The following ARHGAP6 variants were observed in gnomAD, a reference collection of about 807,000 sequenced individuals.
ARHGAP6 encodes Rho GTPase activating protein 6, also known as rho GTPase-activating protein 6.
Under a neutral mutation model 55.7 loss-of-function variants are expected in ARHGAP6, and 16 were observed. That is an observed-to-expected ratio of 0.29 (90% confidence interval 0.19 to 0.44). The LOEUF (loss-of-function observed/expected upper bound fraction) is 0.44. Among genes scored for constraint, ARHGAP6 ranks in the 20% least tolerant of loss-of-function variants. The probability of loss-of-function intolerance (pLI) is 1.00; values close to 1 mark genes in which losing one functional copy is unlikely to be tolerated. For missense variants in ARHGAP6, 698 were observed against 808.9 expected, an observed-to-expected ratio of 0.86 and a Z score of 1.66; for synonymous variants, 382 against 360.9, an observed-to-expected ratio of 1.06 and a Z score of -0.66.
intron 1 of ARHGAP6, among the ~76,000 whole-genome samples, chrX:11,628,990 T>C (rs2052330297): frequency 9.6e-6 from 1 of 104,054 alleles, no homozygotes; most frequent in African/African-American, 3.7e-5. Flanking sequence ...GATACGTGTG[T>C]GTGTGTGTGT....
chrX:11,448,465 T>C (rs1204785635), intron 1 of ARHGAP6, among the ~76,000 whole-genome samples: 2 of 111,966 alleles, frequency 1.8e-5, no homozygotes, highest in Admixed American at 1.9e-4. Context: ...TGGTTGGCCA[T>C]CAGTCCATTG....
chrX:11,544,100 C>T (rs1310663634), intron 1 of ARHGAP6, among the ~76,000 whole-genome samples: 4 of 112,101 alleles, frequency 3.6e-5, no homozygotes, highest in African/African-American at 1.3e-4. Flanking sequence ...TATATCTAGG[C>T]TGGTTCAATT....
chrX:11,315,253 G>A (rs940590341), intron 1 of ARHGAP6, among the ~76,000 whole-genome samples: 6 of 112,427 alleles, frequency 5.3e-5, no homozygotes, highest in Admixed American at 4.7e-4. Context: ...AGACAGTGCG[G>A]CGGGGATGGT....
intron 1 of ARHGAP6, among the ~76,000 whole-genome samples, chrX:11,609,489 T>C (rs1449319992): frequency 9.0e-6 from 1 of 111,406 alleles, no homozygotes; most frequent in Non-Finnish European, 1.9e-5. Flanking sequence ...CGCTTGACAT[T>C]TTCAGGTTGC....
At chrX:11,249,212 G>A (rs2047391546) in intron 2 of ARHGAP6, among the ~76,000 whole-genome samples, 1 of 111,512 alleles carries the variant, frequency 9.0e-6, no homozygotes, top group South Asian at 3.8e-4. Flanking sequence ...ATAGGTGGGA[G>A]CTAAGCTATG....
chrX:11,359,727 C>T (rs936502928), intron 1 of ARHGAP6, among the ~76,000 whole-genome samples: 24 of 110,693 alleles, frequency 2.2e-4, no homozygotes, highest in Admixed American at 8.7e-4. Flanking sequence ...GCTGGTTTTT[C>T]GAAAGGATCA....
At chrX:11,592,837 T>C (rs1404135627) in intron 1 of ARHGAP6, among the ~76,000 whole-genome samples, 1 of 111,550 alleles carries the variant, frequency 9.0e-6, no homozygotes, top group African/African-American at 3.3e-5. Flanking sequence ...TGGTAGGGGC[T>C]GCATTTGGGA....
intron 1 of ARHGAP6, among the ~76,000 whole-genome samples, chrX:11,657,480 G>C (rs1025887750): frequency 9.2e-6 from 1 of 108,558 alleles, no homozygotes. Context: ...ATTCTGGCCT[G>C]GTAAACCTAG....
At chrX:11,307,065 G>A (rs185494559) in intron 1 of ARHGAP6, among the ~76,000 whole-genome samples, 10 of 111,105 alleles carry the variant, frequency 9.0e-5, no homozygotes, top group Non-Finnish European at 1.7e-4. Context: ...AAGGATGGAT[G>A]GAAAACAAAG....
At chrX:11,623,444 C>A (rs1168647821) in intron 1 of ARHGAP6, among the ~76,000 whole-genome samples, 11 of 110,587 alleles carry the variant, frequency 9.9e-5, no homozygotes. Flanking sequence ...GTAATCCAAG[C>A]ACTTTGGGAG....
At chrX:11,351,363 T>C (rs1569310375) in intron 1 of ARHGAP6, 1 of 967,239 alleles carries the variant, frequency 1.0e-6, no homozygotes, top group Non-Finnish European at 1.3e-6. Context: ...TAAATACACG[T>C]GACCTAGAAA....
intron 2 of ARHGAP6, among the ~76,000 whole-genome samples, chrX:11,218,977 G>A (rs1221801734): frequency 2.8e-5 from 3 of 106,307 alleles, no homozygotes; most frequent in Admixed American, 1.0e-4. Flanking sequence ...ATGCTGGTGC[G>A]CTGCACCCAC....
chrX:11,539,917 A>G (rs1280327732), intron 1 of ARHGAP6, among the ~76,000 whole-genome samples: 1 of 111,484 alleles, frequency 9.0e-6, no homozygotes, highest in Non-Finnish European at 1.9e-5. Context: ...CCCTAATCTC[A>G]TTGGTTATCC....
chrX:11,573,905 C>T (rs976775434), intron 1 of ARHGAP6, among the ~76,000 whole-genome samples: 2 of 111,281 alleles, frequency 1.8e-5, no homozygotes, highest in African/African-American at 6.5e-5. Context: ...CCTTCACGTC[C>T]CTTGTAAGTT....
chrX:11,498,999 CTTCCAATACAGAT>C (rs2050651261), intron 1 of ARHGAP6, among the ~76,000 whole-genome samples: 1 of 112,029 alleles, frequency 8.9e-6, no homozygotes, highest in Non-Finnish European at 1.9e-5. Context: ...TCTCTGGTAA[CTTCCAATACAGAT>C]TTTAAGAACC....
intron 1 of ARHGAP6, among the ~76,000 whole-genome samples, chrX:11,430,816 A>C (rs2049934073): frequency 8.9e-6 from 1 of 112,089 alleles, no homozygotes. Flanking sequence ...GTGGTGATGA[A>C]GTCAGGGCTT....
intron 1 of ARHGAP6, among the ~76,000 whole-genome samples, chrX:11,255,821 A>C (rs1335667968): frequency 8.9e-6 from 1 of 112,000 alleles, no homozygotes; most frequent in African/African-American, 3.2e-5. Flanking sequence ...CAGGCCACTG[A>C]GGGTAAATGG....
chrX:11,192,704 G>A (rs1238422089), intron 3 of ARHGAP6, among the ~76,000 whole-genome samples: 1 of 111,589 alleles, frequency 9.0e-6, no homozygotes, highest in Non-Finnish European at 1.9e-5. Flanking sequence ...TCACCAAAAA[G>A]AACAGTGCCA....
intron 1 of ARHGAP6, among the ~76,000 whole-genome samples, chrX:11,451,694 A>C (rs912988219): frequency 2.7e-5 from 3 of 111,818 alleles, no homozygotes; most frequent in African/African-American, 9.8e-5. Flanking sequence ...TGCTCCCCAG[A>C]GTAAGACAAT....
Sources: allele counts gnomAD v4.1 joint callset (sites outside exome capture counted in the v4.1 genomes callset), GRCh38; gene constraint gnomAD v4.1.1; transcripts MANE v1.5; gene names NCBI Gene and HGNC (gene_info 2026-07-23, HGNC 2026-07-21).